The following MYOM2 variants were observed in gnomAD, a reference collection of about 807,000 sequenced individuals.
The protein encoded by MYOM2 is myomesin 2, also known as myomesin-2.
Under a neutral mutation model 187.6 loss-of-function variants are expected in MYOM2, and 254 were observed. The ratio of observed to expected loss-of-function variants is 1.35; its 90% CI spans 1.22 to 1.50. MYOM2 has a LOEUF of 1.50. Ranked by LOEUF, MYOM2 falls within the 40% of genes most tolerant of loss-of-function variation. The pLI is 0.00. For missense variants in MYOM2, 2,796 were observed against 1,924.0 expected (o/e 1.45, Z -8.48); for synonymous variants, 981 against 753.8 (o/e 1.30, Z -4.94).
intron 6 of MYOM2, among the ~76,000 whole-genome samples, chr8:2,063,565 C>T (rs936376425): frequency 6.6e-6 from 1 of 152,200 alleles, no homozygotes; most frequent in Non-Finnish European, 1.5e-5. Context: ...CTATCAGTAA[C>T]GTGCTCACTC....
chr8:2,138,494 G>T lies in MYOM2; in HGVS notation c.3801-2229G>T, dbSNP rs138789985. The stretch of plus-strand genomic sequence containing the variant: ...TGGTCCGATTCTCCCGCCTCTTTCC[G>T]GGGAGGGGCAGATTATGGGAAAAGG... On this transcript the variant is annotated intron_variant, in intron 32 of 36. Coordinates refer to ENST00000262113, the MANE Select transcript of MYOM2 (RefSeq NM_003970.4). 8.1e-4 allele frequency among the ~76,000 whole-genome samples: 124 copies of T among 152,336 alleles called. 4 individuals are homozygous for T. In the East Asian group the frequency reaches 0.023, roughly 29 times the overall value.
intron 28 of MYOM2, among the ~76,000 whole-genome samples, chr8:2,123,043 G>T (rs1402758630): frequency 2.6e-5 from 4 of 152,126 alleles, no homozygotes; most frequent in African/African-American, 9.7e-5. Flanking sequence ...CAACTGTGAG[G>T]ACTTAATTTT....
intron 32 of MYOM2, among the ~76,000 whole-genome samples, chr8:2,138,639 G>T (rs1483335202): frequency 6.6e-6 from 1 of 152,190 alleles, no homozygotes; most frequent in African/African-American, 2.4e-5. Context: ...CTTCTAAGGC[G>T]GCACGAACTC....
chr8:2,143,094 C>T (rs764016099), intron 35 of MYOM2, among the ~76,000 whole-genome samples: 3 of 152,116 alleles, frequency 2.0e-5, no homozygotes, highest in Non-Finnish European at 2.9e-5. Context: ...GGGACACACG[C>T]GGCTCTCCAG....
At chr8:2,079,179 G>C (rs1157195388) in intron 12 of MYOM2, among the ~76,000 whole-genome samples, 1 of 147,792 alleles carries the variant, frequency 6.8e-6, no homozygotes, top group Non-Finnish European at 1.5e-5. Context: ...CTGGCATCCA[G>C]TTAAATTGGC....
intron 14 of MYOM2, among the ~76,000 whole-genome samples, chr8:2,088,436 T>C (rs1796170681): frequency 6.6e-6 from 1 of 152,228 alleles, no homozygotes; most frequent in Non-Finnish European, 1.5e-5. Flanking sequence ...TTGCTCTGTC[T>C]GGTAGGCCTC....
chr8:2,099,095 G>T (rs749465645), intron 19 of MYOM2, 112 bp downstream of exon 19: 1 of 1,361,832 alleles, frequency 7.3e-7, no homozygotes, highest in South Asian at 1.5e-5. Flanking sequence ...CTGTTCCTCC[G>T]ACACCCGCAG....
Position 2,079,631 on chromosome 8 carries a change from A to AC in MYOM2, c.1516+22dup, listed in dbSNP as rs1021753826. The AC allele has an allele frequency of 5.0e-6, 8 of 1,612,896 alleles. No individual in the cohort carries two copies. The highest frequency in any genetic ancestry group is 6.8e-6 in the Non-Finnish European group (8 of 1,178,986). ...CCTTGAAGGTAAGTAGCACCTCATC[A>AC]CCCCAGCTGCTCAGCCCCTGGGGAT... On this transcript the variant is annotated intron_variant, in intron 13 of 36. Coordinates refer to ENST00000262113, the MANE Select transcript of MYOM2 (RefSeq NM_003970.4).
In MYOM2 at chr8:2,145,388, C is replaced by A; in HGVS notation, c.*407C>A. ...ATCTCTGAAATCCTGGCTGTCGAGG[C>A]TTTGAAGCATGTGTTACCTGGTTAA... On this transcript the variant is annotated 3_prime_UTR_variant, in exon 37 of 37. Coordinates refer to ENST00000262113, the MANE Select transcript of MYOM2 (RefSeq NM_003970.4). The A allele has an allele frequency of 3.8e-6, 1 of 265,036 alleles. No homozygotes were observed. Among genetic ancestry groups the A allele is most frequent in the Non-Finnish European group, 7.0e-6 (1 of 142,778 alleles). 16.4% of individuals were successfully genotyped at this position (265,036 alleles called of 1,614,324 possible). A position where few individuals can be genotyped will look rare whatever the true frequency, so the allele number is the denominator to read the frequency against.
chr8:2,073,719 A>G (rs1465638666), intron 10 of MYOM2, among the ~76,000 whole-genome samples: 1 of 152,242 alleles, frequency 6.6e-6, no homozygotes, highest in Non-Finnish European at 1.5e-5. Flanking sequence ...AATCCGGAAT[A>G]GACCAGAATC....
intron 11 of MYOM2, 101 bp downstream of exon 11, chr8:2,076,383 A>AT: frequency 7.0e-7 from 1 of 1,438,508 alleles, no homozygotes. Flanking sequence ...TGACGTTCCC[A>AT]TTTTTTGATT....
chr8:2,055,788 G>A (rs999394542), intron 3 of MYOM2, among the ~76,000 whole-genome samples: 8 of 152,150 alleles, frequency 5.3e-5, no homozygotes, highest in Non-Finnish European at 1.2e-4. Context: ...AGGCCTTACC[G>A]CCAACCTGCA....
Position 2,073,417 on chromosome 8 carries a change from A to C in MYOM2, c.1037A>C (p.His346Pro). Reference sequence around the variant, plus strand: ...GCCTCCCTGTCCTTCAGCCACCTGCACAAGGACGACGAGGGCCTGTACACC... The same window carrying C: ...GCCTCCCTGTCCTTCAGCCACCTGCCCAAGGACGACGAGGGCCTGTACACC... ...GQASLSFSHL[H>P]KDDEGLYTLR... Residue 346 changes from histidine to proline, a missense_variant, in exon 10 of 37, where the codon CAC (histidine) becomes CCC (proline). Physicochemically the swap from His to Pro is moderately conservative, Grantham distance 77. Transcript: ENST00000262113. The C allele has an allele frequency of 6.2e-7, 1 of 1,613,264 alleles. No homozygotes were observed. Among genetic ancestry groups the C allele is most frequent in the Non-Finnish European group, 8.5e-7 (1 of 1,179,840 alleles).
At chr8:2,085,148 A>T in intron 13 of MYOM2, 115 bp from the exon 14 acceptor site, 1 of 1,344,460 alleles carries the variant, frequency 7.4e-7, no homozygotes, top group Non-Finnish European at 1.0e-6. Flanking sequence ...ACTTCCCCAA[A>T]TAGAAACAAA....
Position 2,116,112 on chromosome 8 carries a change from A to G in MYOM2, c.3325+8A>G, listed in dbSNP as rs774326675. On this transcript the variant is annotated splice_region_variant and intron_variant, in intron 26 of 36. Transcript: ENST00000262113. ...TAGTTCTTATTGGAGATGGTATGCT[A>G]TATCGAATATTTCCACGTCCATACA... 3.8e-6 allele frequency: 6 copies of G among 1,562,354 alleles called. No individual in the cohort carries two copies. The African/African-American group carries it at 5.4e-5, about 14-fold the overall frequency.
At chr8:2,077,857 G>A (rs951614367) in intron 11 of MYOM2, among the ~76,000 whole-genome samples, 1 of 152,218 alleles carries the variant, frequency 6.6e-6, no homozygotes, top group Non-Finnish European at 1.5e-5. Flanking sequence ...CTTGCCAGCT[G>A]TTGCCTGAAG....
At chr8:2,076,304 G>T (rs773864446) in intron 11 of MYOM2, 22 bp downstream of exon 11, 3 of 1,611,252 alleles carry the variant, frequency 1.9e-6, no homozygotes, top group East Asian at 4.5e-5. Context: ...GCATTCTCCC[G>T]GGGATGGGAA....
At chr8:2,075,838 C>T (rs928455375) in intron 10 of MYOM2, among the ~76,000 whole-genome samples, 6 of 152,258 alleles carry the variant, frequency 3.9e-5, no homozygotes, top group Non-Finnish European at 5.9e-5. Flanking sequence ...GCCAACGTGC[C>T]GTTATGCACC....
At position 2,073,452 on chromosome 8, in the gene MYOM2, G is replaced by A. The variant is rs201045176; in HGVS notation, c.1072G>A (p.Val358Met). The A allele has an allele frequency of 1.2e-4, 201 of 1,611,136 alleles. No homozygotes were observed. The highest frequency in any genetic ancestry group is 1.4e-4 in the Non-Finnish European group (167 of 1,179,600). ...DDEGLYTLRI[V>M]SRGGVSDHSA... ...CGAGGGCCTGTACACCCTGCGCATC[G>A]TGTCTCGGGGCGGCGTCAGCGACCA... Residue 358 changes from valine (V) to methionine (M), a missense_variant, in exon 10 of 37, where the codon GTG becomes ATG. Transcript: ENST00000262113.
Sources: gnomAD v4.1 joint callset for allele counts (sites outside exome capture counted in the v4.1 genomes callset) on GRCh38, gnomAD v4.1.1 for gene constraint, MANE v1.5 for transcripts, NCBI Gene and HGNC (gene_info 2026-07-23, HGNC 2026-07-21) for gene names.